Variants in SLC1A2 observed in about 807,000 individuals in gnomAD.
The protein encoded by SLC1A2 is solute carrier family 1 member 2.
A neutral mutation model predicts 48.8 loss-of-function variants in SLC1A2; 15 were observed. That is an observed-to-expected ratio of 0.31 (90% CI 0.21 to 0.47). The LOEUF is 0.47. SLC1A2 is among the 20% of genes least tolerant of loss of function. SLC1A2 has a pLI of 0.99. For synonymous variants in SLC1A2, 279 were observed against 272.6 expected (o/e 1.02, Z -0.23); for missense variants, 502 against 730.5 (o/e 0.69, Z 3.61).
intron 1 of SLC1A2, among the ~76,000 whole-genome samples, chr11:35,335,168 G>C (rs113160254): frequency 3.9e-5 from 6 of 152,190 alleles, no homozygotes; most frequent in African/African-American, 1.4e-4. Context: ...ATGCATTGAT[G>C]GGGGGGAAGT....
chr11:35,394,360 G>A (rs1208025278), intron 1 of SLC1A2, among the ~76,000 whole-genome samples: 1 of 152,118 alleles, frequency 6.6e-6, no homozygotes, highest in Non-Finnish European at 1.5e-5. Flanking sequence ...TGGCTGTGAT[G>A]TTGGTGTCCA....
In SLC1A2 at chr11:35,251,645, A is replaced by T. The variant is rs1029144156; in HGVS notation, c.*9249T>A. 2.0e-5 allele frequency: 3 copies of T among 152,600 alleles called. No individual in the cohort carries two copies. Among genetic ancestry groups the T allele is most frequent in the Non-Finnish European group, 4.4e-5 (3 of 68,036 alleles). 9.5% of individuals were successfully genotyped at this position (152,600 alleles called of 1,614,324 possible). On this transcript the variant is annotated 3_prime_UTR_variant, in exon 11 of 11. Transcript: ENST00000278379. ...CCTGCATAAAGCCCAGTTTTATTTC[A>T]GGAAGTATTCCATCCTAAATTTGAA...
At chr11:35,309,362 T>G (rs1331335053) in intron 4 of SLC1A2, among the ~76,000 whole-genome samples, 1 of 152,072 alleles carries the variant, frequency 6.6e-6, no homozygotes, top group African/African-American at 2.4e-5. Context: ...ATTGGCCGAG[T>G]GAACATACAC....
chr11:35,349,538 A>G (rs1410835554), intron 1 of SLC1A2, among the ~76,000 whole-genome samples: 1 of 152,186 alleles, frequency 6.6e-6, no homozygotes. Flanking sequence ...CGTTAGTGAG[A>G]AAATAAAGAG....
At chr11:35,365,513 C>A (rs967610262) in intron 1 of SLC1A2, among the ~76,000 whole-genome samples, 3 of 152,084 alleles carry the variant, frequency 2.0e-5, no homozygotes, top group South Asian at 4.2e-4. Flanking sequence ...GTAACACATG[C>A]CATTTTCAAG....
intron 8 of SLC1A2, among the ~76,000 whole-genome samples, chr11:35,283,856 A>G (rs528508333): frequency 2.0e-5 from 3 of 152,134 alleles, no homozygotes; most frequent in African/African-American, 7.2e-5. Flanking sequence ...ATGATGTCAC[A>G]GCCACATTTT....
At chr11:35,265,824 G>C in intron 9 of SLC1A2, 66 bp from the exon 10 acceptor site, 2 of 997,968 alleles carry the variant, frequency 2.0e-6, no homozygotes, top group Admixed American at 2.0e-5. Flanking sequence ...AGAGGTCAAG[G>C]TCTGGAGTCA....
intron 1 of SLC1A2, among the ~76,000 whole-genome samples, chr11:35,340,312 C>A (rs1029430453): frequency 6.6e-6 from 1 of 152,204 alleles, no homozygotes; most frequent in Non-Finnish European, 1.5e-5. Flanking sequence ...CTGCTGGAGC[C>A]AGGGCAGGGC....
chr11:35,313,083 A>AT (rs896993209), intron 3 of SLC1A2, among the ~76,000 whole-genome samples: 52 of 151,844 alleles, frequency 3.4e-4, no homozygotes, highest in African/African-American at 1.2e-3. Flanking sequence ...TCCACTTTTT[A>AT]TTTTTTTTGG....
At chr11:35,314,891 G>A in intron 3 of SLC1A2, 132 bp downstream of exon 3, 2 of 603,372 alleles carry the variant, frequency 3.3e-6, no homozygotes, top group Non-Finnish European at 5.9e-6. Context: ...TCAGAGACGG[G>A]AAAACCAAAG....
rs1286433101 is a variant in SLC1A2 at position 35,253,484 on chromosome 11, G to C, written c.*7410C>G. On this transcript the variant is annotated 3_prime_UTR_variant, in exon 11 of 11. Coordinates refer to ENST00000278379, the MANE Select transcript of SLC1A2 (RefSeq NM_004171.4). The stretch of plus-strand genomic sequence containing the variant: ...GGAATAATCCTACTATTAATACCTT[G>C]TCTTTGATAGTCTTAGAGAAAAGCA... 1 of 152,488 alleles carries C rather than the reference G, an allele frequency of 6.6e-6. No individual in the cohort carries two copies. Among genetic ancestry groups the C allele is most frequent in the Non-Finnish European group, 1.5e-5 (1 of 68,024 alleles). 9.4% of individuals were successfully genotyped at this position (152,488 alleles called of 1,614,324 possible).
chr11:35,275,117 G>A (rs1470351534), intron 9 of SLC1A2, among the ~76,000 whole-genome samples: 4 of 152,202 alleles, frequency 2.6e-5, no homozygotes, highest in East Asian at 3.9e-4. Flanking sequence ...GTGCATGCTC[G>A]AGTTTGAGAA....
intron 1 of SLC1A2, chr11:35,392,217 T>C (rs1466508198): frequency 6.6e-6 from 1 of 152,222 alleles, no homozygotes; most frequent in Non-Finnish European, 1.5e-5. Context: ...AATGCATTGC[T>C]TGCGTAAGTT....
At chr11:35,318,052 A>G (rs1851941602) in intron 1 of SLC1A2, among the ~76,000 whole-genome samples, 1 of 152,248 alleles carries the variant, frequency 6.6e-6, no homozygotes, top group Admixed American at 6.5e-5. Flanking sequence ...AAGATAGTTT[A>G]TCTAGTAAAA....
chr11:35,376,742 T>G (rs1854245493), intron 1 of SLC1A2, among the ~76,000 whole-genome samples: 1 of 152,242 alleles, frequency 6.6e-6, no homozygotes, highest in Non-Finnish European at 1.5e-5. Context: ...TGGTTACATT[T>G]AGACACCTGG....
At chr11:35,414,401 A>G (rs972043443) in intron 1 of SLC1A2, among the ~76,000 whole-genome samples, 3 of 152,150 alleles carry the variant, frequency 2.0e-5, no homozygotes, top group African/African-American at 4.8e-5. Flanking sequence ...TTTCTATTCT[A>G]CCGACAAATA....
intron 1 of SLC1A2, among the ~76,000 whole-genome samples, chr11:35,360,479 AC>A (rs1853639365): frequency 6.6e-6 from 1 of 151,914 alleles, no homozygotes; most frequent in African/African-American, 2.4e-5. Context: ...CACCCTTCCA[AC>A]CCCAGTGACC....
At chr11:35,267,694 C>G (rs1850141560) in intron 9 of SLC1A2, among the ~76,000 whole-genome samples, 1 of 152,016 alleles carries the variant, frequency 6.6e-6, no homozygotes, top group African/African-American at 2.4e-5. Context: ...ACTTTCAATC[C>G]CTCCTGGAAT....
intron 1 of SLC1A2, 40 bp from the exon 2 acceptor site, chr11:35,317,556 C>T: frequency 6.3e-7 from 1 of 1,599,978 alleles, no homozygotes; most frequent in Non-Finnish European, 8.5e-7. Context: ...GAGACTGGCA[C>T]CTCCCCTATA....
Sources: allele counts gnomAD v4.1 joint callset (sites outside exome capture counted in the v4.1 genomes callset), GRCh38; gene constraint gnomAD v4.1.1; transcripts MANE v1.5; gene names NCBI Gene and HGNC (gene_info 2026-07-23, HGNC 2026-07-21).